The following ICE2 variants were observed in gnomAD, a reference collection of about 807,000 sequenced individuals.
The protein encoded by ICE2 is little elongation complex subunit 2.
Under a neutral mutation model 105.4 loss-of-function variants are expected in ICE2, and 87 were observed. That is an observed-to-expected ratio of 0.83 (90% CI 0.69 to 0.99). ICE2 has a LOEUF of 0.99. ICE2 is among the 50% of genes least tolerant of loss of function. The probability of loss-of-function intolerance (pLI) is 0.00; values close to 1 mark genes in which losing one functional copy is unlikely to be tolerated. For missense variants in ICE2, 1,323 were observed against 1,146.7 expected (o/e 1.15, Z -2.22); for synonymous variants, 399 against 392.0 (o/e 1.02, Z -0.21).
chr15:60,435,135 G>C (rs2063554657), intron 13 of ICE2, among the ~76,000 whole-genome samples: 1 of 151,712 alleles, frequency 6.6e-6, no homozygotes, highest in Non-Finnish European at 1.5e-5. Context: ...CAAAAACTTA[G>C]CTGGGTGTGG....
intron 11 of ICE2, among the ~76,000 whole-genome samples, chr15:60,447,094 T>C (rs1283837212): frequency 6.6e-6 from 1 of 152,046 alleles, no homozygotes; most frequent in African/African-American, 2.4e-5. Context: ...ATTGCAGCAA[T>C]ACATTTTTTT....
Position 60,420,703 on chromosome 15 carries a change from A to G in ICE2, c.*2931T>C, listed in dbSNP as rs1459905795. 2 of 152,122 alleles carry G rather than the reference A, an allele frequency of 1.3e-5. No homozygotes were observed. The highest frequency in any genetic ancestry group is 2.9e-5 in the Non-Finnish European group (2 of 68,012). 9.4% of individuals were successfully genotyped at this position (152,122 alleles called of 1,614,324 possible). A position where few individuals can be genotyped will look rare whatever the true frequency, so the allele number is the denominator to read the frequency against. On this transcript the variant is annotated 3_prime_UTR_variant, in exon 16 of 16. Coordinates refer to ENST00000261520, the MANE Select transcript of ICE2 (RefSeq NM_024611.6). ...TTAATTTTCCCTTATAAATCCTACT[A>G]TTTTTAAAAGACTCAGCTCAAGTTC...
At chr15:60,444,754 A>G (rs997994845) in intron 11 of ICE2, among the ~76,000 whole-genome samples, 1 of 152,044 alleles carries the variant, frequency 6.6e-6, no homozygotes, top group African/African-American at 2.4e-5. Flanking sequence ...ACGCAATCTC[A>G]GCTCACTGCA....
In ICE2 at chr15:60,454,922, T is replaced by C. The variant is rs965897208; in HGVS notation, c.943+81A>G. 38 of 1,292,242 alleles carry C rather than the reference T, an allele frequency of 2.9e-5. No individual in the cohort carries two copies. The African/African-American group carries it at 5.3e-4, about 18-fold the overall frequency. The allele number at this position is 1,292,242 out of a possible 1,614,324, so 80.0% of individuals were successfully genotyped here. A position where few individuals can be genotyped will look rare whatever the true frequency, so the allele number is the denominator to read the frequency against. ...TCTCTGGGTCCATGTGTTCTCATTG[T>C]TCAACTCCTATTTATGAGTGAGAAC... On this transcript the variant is annotated intron_variant, in intron 8 of 15. Transcript: ENST00000261520.
chr15:60,424,646 T>C (rs895139531), intron 15 of ICE2, among the ~76,000 whole-genome samples: 2 of 152,156 alleles, frequency 1.3e-5, no homozygotes, highest in Non-Finnish European at 2.9e-5. Context: ...GCAGCTGGGA[T>C]TACAGGTGTG....
chr15:60,466,470 C>A, intron 5 of ICE2, 124 bp downstream of exon 5: 1 of 1,044,082 alleles, frequency 9.6e-7, no homozygotes, highest in Non-Finnish European at 1.4e-6. Flanking sequence ...GAAGAAAAGA[C>A]CTGTGGTTTT....
intron 4 of ICE2, among the ~76,000 whole-genome samples, chr15:60,467,029 C>T (rs2064450558): frequency 6.6e-6 from 1 of 152,022 alleles, no homozygotes; most frequent in Non-Finnish European, 1.5e-5. Context: ...GCTTTGTTGC[C>T]CAGGCTGGAG....
intron 13 of ICE2, among the ~76,000 whole-genome samples, chr15:60,434,312 C>CA (rs1248813734): frequency 1.3e-5 from 2 of 152,164 alleles, no homozygotes; most frequent in Non-Finnish European, 2.9e-5. Context: ...GTTAGACTCT[C>CA]AGAGTTTTTG....
intron 11 of ICE2, among the ~76,000 whole-genome samples, chr15:60,446,403 A>G (rs2063822996): frequency 6.6e-6 from 1 of 152,044 alleles, no homozygotes; most frequent in South Asian, 2.1e-4. Context: ...CACTTTTTAA[A>G]AATTTTTTTT....
chr15:60,479,050 C>A lies in ICE2; in HGVS notation c.-140G>T. The A allele has an allele frequency of 2.2e-6, 1 of 455,836 alleles. No homozygotes were observed. The highest frequency in any genetic ancestry group is 4.4e-6 in the Non-Finnish European group (1 of 226,644). The allele number at this position is 455,836 out of a possible 1,614,324, so 28.2% of individuals were successfully genotyped here. Reference sequence around the variant, plus strand: ...GCCCAGGCCGCAGCCACACACCACACACGCTCCACCCCACTCCTCACATTG... The same window carrying A: ...GCCCAGGCCGCAGCCACACACCACAAACGCTCCACCCCACTCCTCACATTG... On this transcript the variant is annotated 5_prime_UTR_variant, in exon 1 of 16. Transcript: ENST00000261520.
intron 14 of ICE2, among the ~76,000 whole-genome samples, chr15:60,429,939 A>C (rs1012500474): frequency 6.6e-6 from 1 of 152,308 alleles, no homozygotes; most frequent in East Asian, 1.9e-4. Context: ...AGAATGAGAG[A>C]TACTCTAAGG....
rs533739615 is a variant in ICE2 at position 60,457,677 on chromosome 15, C to T, written c.529-883G>A. On this transcript the variant is annotated intron_variant, in intron 5 of 15. Coordinates refer to ENST00000261520, the MANE Select transcript of ICE2 (RefSeq NM_024611.6). ...TCATCTATAGTTTCAGAACCCCTTC[C>T]GCCCTTTTCTAATCTCTACTGCCTG... 6.6e-5 allele frequency among the ~76,000 whole-genome samples: 10 copies of T among 152,206 alleles called. No individual in the cohort carries two copies. In the East Asian group the frequency reaches 1.3e-3, roughly 21 times the overall value.
chr15:60,449,662 G>T lies in ICE2; in HGVS notation c.1305C>A (p.Pro435=). 2 of 1,614,030 alleles carry T rather than the reference G, an allele frequency of 1.2e-6. No homozygotes were observed. Among genetic ancestry groups the T allele is most frequent in the Non-Finnish European group, 1.7e-6 (2 of 1,179,998 alleles). The part of the protein sequence containing the change: ...VPNMTDAPTA[P]KAGTTTVAPS... ...GTGCCACAGTTGTAGTTCCTGCTTT[G>T]GGGGCTGTAGGAGCATCTGTCATGT... The change falls in exon 10 of 16, where the codon CCC becomes CCA. Residue 435 remains proline, a synonymous_variant. Transcript: ENST00000261520.
rs1398228032 is a variant in ICE2 at position 60,422,617 on chromosome 15, A to G, written c.*1017T>C. The G allele has an allele frequency of 2.0e-5, 3 of 152,254 alleles. No homozygotes were observed. Among genetic ancestry groups the G allele is most frequent in the African/African-American group, 4.8e-5 (2 of 41,428 alleles). 9.4% of individuals were successfully genotyped at this position (152,254 alleles called of 1,614,324 possible). A position where few individuals can be genotyped will look rare whatever the true frequency, so the allele number is the denominator to read the frequency against. ...TTTGGGAGGCCAAGGCAGGCGGATCACAAGGTCAGGAGTTTGAGACCAGCC... is the reference window on the plus strand; with the variant it reads ...TTTGGGAGGCCAAGGCAGGCGGATCGCAAGGTCAGGAGTTTGAGACCAGCC... On this transcript the variant is annotated 3_prime_UTR_variant, in exon 16 of 16. Transcript: ENST00000261520.
rs558589120 is a variant in ICE2, at chr15:60,447,775, T to C, written c.2295+195A>G. On this transcript the variant is annotated intron_variant, in intron 11 of 15. Coordinates refer to ENST00000261520, the MANE Select transcript of ICE2 (RefSeq NM_024611.6). ...CAAGCATGAATGTTACCGGCATTTA[T>C]GGCTACTATATACAAACACTTTCCC... 83 of 443,562 alleles carry C rather than the reference T, an allele frequency of 1.9e-4. 3 individuals carry two copies. In the South Asian group the frequency reaches 3.5e-3, roughly 18 times the overall value. 27.5% of individuals were successfully genotyped at this position (443,562 alleles called of 1,614,324 possible). A position where few individuals can be genotyped will look rare whatever the true frequency, so the allele number is the denominator to read the frequency against.
At chr15:60,426,035 G>A (rs2063332038) in intron 15 of ICE2, among the ~76,000 whole-genome samples, 1 of 152,152 alleles carries the variant, frequency 6.6e-6, no homozygotes, top group South Asian at 2.1e-4. Context: ...CCTGGGCCTG[G>A]ATAATCTCGT....
In ICE2 at chr15:60,433,332, C is replaced by G. The variant is rs547002776; in HGVS notation, c.2511-1348G>C. On this transcript the variant is annotated intron_variant, in intron 13 of 15. Transcript: ENST00000261520. Reference sequence around the variant, plus strand: ...TCATCTCCTGACCTCATGATCCACCCGCCTCAGCTTCCCAAAGTGCTGGGA... The same window carrying G: ...TCATCTCCTGACCTCATGATCCACCGGCCTCAGCTTCCCAAAGTGCTGGGA... 2.6e-5 allele frequency among the ~76,000 whole-genome samples: 4 copies of G among 151,798 alleles called. No homozygotes were observed. The South Asian group carries it at 8.3e-4, about 32-fold the overall frequency.
In ICE2 at chr15:60,453,773, C is replaced by T. The variant is rs765896334; in HGVS notation, c.955G>A (p.Val319Ile). The change falls in exon 9 of 16, where the codon GTT becomes ATT. Residue 319 changes from valine to isoleucine, a missense_variant. Val to Ile is a conservative substitution (Grantham distance 29). Transcript: ENST00000261520. ...QVIPVAGSKP[V>I]KVIYINSPLP... The stretch of plus-strand genomic sequence containing the variant: ...GGTGAATTAATATATATTACTTTAA[C>T]TGGTTTTGAACCTTAAAACAGAAAC... 6.3e-6 allele frequency: 10 copies of T among 1,577,142 alleles called. No individual in the cohort carries two copies. The South Asian group carries it at 6.7e-5, about 11-fold the overall frequency.
intron 9 of ICE2, among the ~76,000 whole-genome samples, chr15:60,450,199 C>T (rs1449143900): frequency 6.6e-6 from 1 of 152,140 alleles, no homozygotes; most frequent in African/African-American, 2.4e-5. Flanking sequence ...TTTATGTCTA[C>T]TCTATAGGCT....
Sources: gnomAD v4.1 joint callset for allele counts (sites outside exome capture counted in the v4.1 genomes callset) on GRCh38, gnomAD v4.1.1 for gene constraint, MANE v1.5 for transcripts, NCBI Gene and HGNC (gene_info 2026-07-23, HGNC 2026-07-21) for gene names.